AUTS2: variants seen among roughly 807,000 people sequenced by gnomAD.
AUTS2 encodes the protein autism susceptibility gene 2 protein.
A neutral mutation model predicts 112.4 loss-of-function variants in AUTS2; 17 were observed. That is an observed-to-expected ratio of 0.15 (90% CI 0.10 to 0.23). AUTS2 has a LOEUF of 0.23. AUTS2 is among the 10% of genes least tolerant of loss of function. The pLI, the probability that AUTS2 is intolerant of heterozygous loss-of-function variation, is 1.00. For synonymous variants in AUTS2, 751 were observed against 702.7 expected (o/e 1.07, Z -1.09); for missense variants, 1,510 against 1,701.6 (o/e 0.89, Z 1.98).
At chr7:70,786,589 CAT>C (rs1323122731) in intron 17 of AUTS2, among the ~76,000 whole-genome samples, 1 of 152,180 alleles carries the variant, frequency 6.6e-6, no homozygotes, top group Admixed American at 6.5e-5. Flanking sequence ...ATTACAACCC[CAT>C]CTCACGTTCT....
intron 4 of AUTS2, among the ~76,000 whole-genome samples, chr7:70,299,786 C>T (rs1407484011): frequency 6.6e-6 from 1 of 150,588 alleles, no homozygotes. Flanking sequence ...CGGTATGTCC[C>T]AGGTTTGGCT....
chr7:69,921,997 G>GAGGTTGCAGTGAGCCGAGA (rs1470189447), intron 2 of AUTS2, among the ~76,000 whole-genome samples: 1 of 152,062 alleles, frequency 6.6e-6, no homozygotes, highest in Non-Finnish European at 1.5e-5. Flanking sequence ...CTGGGAGGCA[G>GAGGTTGCAGTGAGCCGAGA]AGGTTGCAGT....
At chr7:70,347,423 A>G (rs771829504) in intron 4 of AUTS2, among the ~76,000 whole-genome samples, 10 of 152,178 alleles carry the variant, frequency 6.6e-5, no homozygotes, top group African/African-American at 1.4e-4. Context: ...AGTGCCAAGC[A>G]TACAGTAGAT....
At chr7:70,396,400 A>G (rs553976668) in intron 4 of AUTS2, among the ~76,000 whole-genome samples, 53 of 150,670 alleles carry the variant, frequency 3.5e-4, no homozygotes, top group Admixed American at 1.8e-3. Context: ...TTTTGGAAAC[A>G]AAGTCTCTTT....
At chr7:70,516,833 T>A (rs185993333) in intron 5 of AUTS2, among the ~76,000 whole-genome samples, 16 of 152,302 alleles carry the variant, frequency 1.1e-4, no homozygotes, top group Non-Finnish European at 1.5e-4. Context: ...CCATATGAGA[T>A]TCTATTTTAA....
intron 1 of AUTS2, among the ~76,000 whole-genome samples, chr7:69,807,736 A>G (rs1196704977): frequency 6.6e-6 from 1 of 152,130 alleles, no homozygotes; most frequent in African/African-American, 2.4e-5. Context: ...TGGCTCATTC[A>G]TATGGCTTTT....
intron 2 of AUTS2, among the ~76,000 whole-genome samples, chr7:70,101,093 G>T (rs911320200): frequency 6.6e-6 from 1 of 152,020 alleles, no homozygotes; most frequent in Non-Finnish European, 1.5e-5. Flanking sequence ...GGCCAGGCTG[G>T]TCTCGAACTC....
intron 4 of AUTS2, among the ~76,000 whole-genome samples, chr7:70,210,977 T>C (rs1053263231): frequency 2.0e-5 from 3 of 152,002 alleles, no homozygotes; most frequent in Admixed American, 6.6e-5. Flanking sequence ...GAGGGTGGCA[T>C]TGGGAGGAAG....
intron 2 of AUTS2, among the ~76,000 whole-genome samples, chr7:70,008,841 A>T (rs1799662395): frequency 1.3e-5 from 2 of 152,154 alleles, no homozygotes; most frequent in Admixed American, 1.3e-4. Context: ...TACTTATGAT[A>T]TTGTCCTTTT....
intron 4 of AUTS2, among the ~76,000 whole-genome samples, chr7:70,222,654 G>T (rs1457142798): frequency 6.6e-6 from 1 of 150,794 alleles, no homozygotes. Flanking sequence ...AAGACTTTAA[G>T]TTCTCTGCAA....
chr7:70,622,673 A>G (rs1269409609), intron 5 of AUTS2, among the ~76,000 whole-genome samples: 1 of 152,228 alleles, frequency 6.6e-6, no homozygotes, highest in African/African-American at 2.4e-5. Context: ...GCTTTAATGA[A>G]TTATGACAAA....
intron 5 of AUTS2, among the ~76,000 whole-genome samples, chr7:70,557,531 A>G (rs567894857): frequency 6.6e-6 from 1 of 152,352 alleles, no homozygotes; most frequent in African/African-American, 2.4e-5. Flanking sequence ...GTGCTCCATT[A>G]AAAATTAAAG....
At chr7:69,881,100 G>T (rs559788178) in intron 1 of AUTS2, among the ~76,000 whole-genome samples, 1 of 152,260 alleles carries the variant, frequency 6.6e-6, no homozygotes, top group South Asian at 2.1e-4. Context: ...GCAGCTTATG[G>T]ACATAAAAAC....
rs573673031 is a variant in AUTS2, at chr7:70,007,393, A to G, written c.522+107895A>G. On this transcript the variant is annotated intron_variant, in intron 2 of 18. Transcript: ENST00000342771. ...CTTAATAACCACTCTTACATTTGGTATATTTCCTTGTAGCTTTTTTTTAGA... is the reference window on the plus strand; with the variant it reads ...CTTAATAACCACTCTTACATTTGGTGTATTTCCTTGTAGCTTTTTTTTAGA... Among the ~76,000 whole-genome samples, 11 of 152,246 alleles carry G rather than the reference A, an allele frequency of 7.2e-5. No homozygotes were observed. The East Asian group carries it at 1.9e-3, about 27-fold the overall frequency.
chr7:69,850,398 C>CAAAAAAAAAAAAAAAAAAAAAAAA lies in AUTS2; in HGVS notation c.310-48874_310-48851dup, dbSNP rs60553891. On this transcript the variant is annotated intron_variant, in intron 1 of 18. Coordinates refer to ENST00000342771, the MANE Select transcript of AUTS2 (RefSeq NM_015570.4). ...TGGGCAACAGAGCGAAACTCTGTCT[C>CAAAAAAAAAAAAAAAAAAAAAAAA]AAAAAAAAAAAAAAAAAAAAAAAAA... Among the ~76,000 whole-genome samples, 4 of 34,680 alleles carry CAAAAAAAAAAAAAAAAAAAAAAAA rather than the reference C, an allele frequency of 1.2e-4. 1 individual carries two copies. The highest frequency in any genetic ancestry group is 1.7e-4 in the African/African-American group (2 of 11,612). 22.8% of individuals were successfully genotyped at this position (34,680 alleles called of 152,430 possible). A position where few individuals can be genotyped will look rare whatever the true frequency, so the allele number is the denominator to read the frequency against.
intron 5 of AUTS2, among the ~76,000 whole-genome samples, chr7:70,523,295 G>T (rs917031018): frequency 6.6e-6 from 1 of 152,194 alleles, no homozygotes; most frequent in Non-Finnish European, 1.5e-5. Context: ...AAGAATGGTT[G>T]AACTGCTTGT....
At chr7:70,135,199 G>T (rs1404802165) in intron 4 of AUTS2, among the ~76,000 whole-genome samples, 1 of 152,098 alleles carries the variant, frequency 6.6e-6, no homozygotes, top group African/African-American at 2.4e-5. Context: ...TGATAATCAT[G>T]AATATAAAAT....
intron 2 of AUTS2, among the ~76,000 whole-genome samples, chr7:70,097,770 G>A (rs1428889062): frequency 6.6e-6 from 1 of 152,104 alleles, no homozygotes; most frequent in Non-Finnish European, 1.5e-5. Flanking sequence ...TTAATCCAAG[G>A]TCACACTCTA....
chr7:70,263,053 G>C (rs1442120487), intron 4 of AUTS2, among the ~76,000 whole-genome samples: 2 of 151,898 alleles, frequency 1.3e-5, no homozygotes, highest in African/African-American at 4.8e-5. Context: ...AATGTTACTA[G>C]GAAATATATT....
Sources: allele counts gnomAD v4.1 joint callset (sites outside exome capture counted in the v4.1 genomes callset), GRCh38; gene constraint gnomAD v4.1.1; transcripts MANE v1.5; gene names NCBI Gene and HGNC (gene_info 2026-07-23, HGNC 2026-07-21).